Variants in FAM107B observed in about 807,000 individuals in gnomAD.
FAM107B encodes the protein family with sequence similarity 107 member B.
Under a neutral mutation model 31.5 loss-of-function variants are expected in FAM107B, and 21 were observed. That is an observed-to-expected ratio of 0.67 (90% CI 0.47 to 0.96). The LOEUF (loss-of-function observed/expected upper bound fraction) is 0.96. Among genes scored for constraint, FAM107B ranks in the 40% least tolerant of loss-of-function variants. The probability of loss-of-function intolerance (pLI) is 0.00; values close to 1 mark genes in which losing one functional copy is unlikely to be tolerated. For synonymous variants in FAM107B, 157 were observed against 141.5 expected, an observed-to-expected ratio of 1.11 and a Z score of -0.78; for missense variants, 452 against 377.1, an observed-to-expected ratio of 1.20 and a Z score of -1.64.
intron 1 of FAM107B, among the ~76,000 whole-genome samples, chr10:14,698,286 A>G (rs1387420958): frequency 2.0e-5 from 3 of 152,220 alleles, no homozygotes; most frequent in Admixed American, 6.5e-5. Context: ...ACTGAGGTCC[A>G]TTCCTGTGTC....
intron 2 of FAM107B, among the ~76,000 whole-genome samples, chr10:14,558,038 T>G (rs1849853609): frequency 6.6e-6 from 1 of 152,252 alleles, no homozygotes; most frequent in Admixed American, 6.5e-5. Flanking sequence ...CTCCTCCCCG[T>G]GAGTCCAGGT....
chr10:14,728,049 C>T (rs974346939), intron 1 of FAM107B, among the ~76,000 whole-genome samples: 1 of 152,252 alleles, frequency 6.6e-6, no homozygotes. Context: ...CCCTCCTCCC[C>T]CCATACATTT....
At chr10:14,660,373 T>C (rs535781948) in intron 2 of FAM107B, among the ~76,000 whole-genome samples, 99 of 152,098 alleles carry the variant, frequency 6.5e-4, no homozygotes, top group African/African-American at 2.3e-3. Context: ...TAAAAAAAAA[T>C]GGCCACTAGA....
intron 1 of FAM107B, among the ~76,000 whole-genome samples, chr10:14,766,155 GTC>G (rs1428958051): frequency 1.3e-5 from 2 of 152,168 alleles, no homozygotes; most frequent in Non-Finnish European, 2.9e-5. Flanking sequence ...TATCCGAGGA[GTC>G]TCTCAGACAC....
chr10:14,592,103 C>T (rs1431891884), intron 2 of FAM107B, among the ~76,000 whole-genome samples: 2 of 152,178 alleles, frequency 1.3e-5, no homozygotes, highest in Non-Finnish European at 2.9e-5. Flanking sequence ...GTGGGAAGTT[C>T]AGCAGATCCC....
intron 1 of FAM107B, among the ~76,000 whole-genome samples, chr10:14,726,056 C>T (rs927252686): frequency 1.6e-4 from 24 of 151,906 alleles, no homozygotes; most frequent in African/African-American, 5.8e-4. Flanking sequence ...TGCAATGGCG[C>T]GATCTCAGCT....
chr10:14,767,316 T>C (rs1362510392), intron 1 of FAM107B, among the ~76,000 whole-genome samples: 2 of 151,426 alleles, frequency 1.3e-5, no homozygotes, highest in Non-Finnish European at 2.9e-5. Context: ...GGTCTCGAAC[T>C]CCTGACCTCA....
intron 1 of FAM107B, among the ~76,000 whole-genome samples, chr10:14,718,675 C>T (rs1392432557): frequency 6.6e-6 from 1 of 152,200 alleles, no homozygotes; most frequent in Admixed American, 6.5e-5. Flanking sequence ...ATGAGGCTGA[C>T]ATCCAAATCT....
At chr10:14,667,497 C>T (rs1854433913) in intron 2 of FAM107B, 137 bp downstream of exon 2, 4 of 806,888 alleles carry the variant, frequency 5.0e-6, no homozygotes, top group East Asian at 2.6e-5. Flanking sequence ...ATATATCACA[C>T]GTGACATTTC....
At chr10:14,525,604 C>A (rs1188360157) in intron 3 of FAM107B, among the ~76,000 whole-genome samples, 1 of 152,192 alleles carries the variant, frequency 6.6e-6, no homozygotes, top group Non-Finnish European at 1.5e-5. Context: ...CTCTTACCAA[C>A]AGTTGGGTCT....
At position 14,604,368 on chromosome 10, in the gene FAM107B, G is replaced by A. The variant is rs202099891; in HGVS notation, c.469+63266C>T. ...AGGGCGGCTCCGGGGGCGGCGGCCCGGCCCGCAAGCCAGTCCGGCGCAGGG... is the reference window on the plus strand; with the variant it reads ...AGGGCGGCTCCGGGGGCGGCGGCCCAGCCCGCAAGCCAGTCCGGCGCAGGG... On this transcript the variant is annotated intron_variant, in intron 2 of 4. Coordinates refer to ENST00000181796, the MANE Select transcript of FAM107B (RefSeq NM_031453.4). The A allele has an allele frequency of 7.4e-4, 358 of 482,436 alleles. 4 individuals carry two copies. In the East Asian group the frequency reaches 0.028, roughly 38 times the overall value. The allele number at this position is 482,436 out of a possible 1,614,324, so 29.9% of individuals were successfully genotyped here.
intron 1 of FAM107B, among the ~76,000 whole-genome samples, chr10:14,761,786 G>A (rs112984133): frequency 0.066 from 9,972 of 151,854 alleles, 408 homozygotes; most frequent in Middle Eastern, 0.12. Flanking sequence ...TTAGTAGAGG[G>A]GGGGGTTTCA....
intron 2 of FAM107B, among the ~76,000 whole-genome samples, chr10:14,648,250 T>C (rs1197060458): frequency 6.6e-6 from 1 of 152,160 alleles, no homozygotes; most frequent in African/African-American, 2.4e-5. Context: ...AACTTTGACT[T>C]AGTAAAACCG....
intron 1 of FAM107B, among the ~76,000 whole-genome samples, chr10:14,744,691 G>A (rs1267297012): frequency 6.6e-6 from 1 of 152,186 alleles, no homozygotes; most frequent in African/African-American, 2.4e-5. Flanking sequence ...TCCCAGGGAT[G>A]AAGCCAACTT....
chr10:14,758,874 A>G (rs1055180828), intron 1 of FAM107B, among the ~76,000 whole-genome samples: 2 of 77,204 alleles, frequency 2.6e-5, no homozygotes, highest in South Asian at 6.0e-4. Context: ...ACCCTCTCAG[A>G]AAAAAAAAAA....
rs57200439 is a variant in FAM107B at position 14,609,321 on chromosome 10, C to A, written c.469+58313G>T. Among the ~76,000 whole-genome samples the A allele has an allele frequency of 7.9e-5, 12 of 152,310 alleles. No homozygotes were observed. The East Asian group carries it at 2.1e-3, about 27-fold the overall frequency. ...GCTGAAGGCCTCCCAAAGCCAAAAT[C>A]AAGATCTTGGCAGGGCTCATAGTTC... On this transcript the variant is annotated intron_variant, in intron 2 of 4. Coordinates refer to ENST00000181796, the MANE Select transcript of FAM107B (RefSeq NM_031453.4).
At chr10:14,709,948 C>T (rs1855602814) in intron 1 of FAM107B, among the ~76,000 whole-genome samples, 1 of 152,068 alleles carries the variant, frequency 6.6e-6, no homozygotes, top group Non-Finnish European at 1.5e-5. Flanking sequence ...TAAAACAGAG[C>T]ACAGGAGATT....
intron 1 of FAM107B, chr10:14,723,578 C>A: frequency 1.5e-6 from 1 of 666,230 alleles, no homozygotes; most frequent in Non-Finnish European, 2.8e-6. Flanking sequence ...CATGGAAAGG[C>A]TATGTCCACA....
chr10:14,769,494 T>G (rs549569533), intron 1 of FAM107B, among the ~76,000 whole-genome samples: 23 of 152,250 alleles, frequency 1.5e-4, no homozygotes, highest in South Asian at 2.1e-4. Context: ...AAGCAATTCT[T>G]GTGCCTCAGT....
Sources: gnomAD v4.1 joint callset for allele counts (sites outside exome capture counted in the v4.1 genomes callset) on GRCh38, gnomAD v4.1.1 for gene constraint, MANE v1.5 for transcripts, NCBI Gene and HGNC (gene_info 2026-07-23, HGNC 2026-07-21) for gene names.